The following CEP120 variants were observed in gnomAD, a reference collection of about 807,000 sequenced individuals.
CEP120 encodes the protein centrosomal protein of 120 kDa.
In CEP120, 113 loss-of-function variants were observed where a neutral mutation model predicts 126.5. The ratio of observed to expected loss-of-function variants is 0.89; its 90% CI spans 0.77 to 1.04. The LOEUF (loss-of-function observed/expected upper bound fraction) is 1.04. CEP120 is among the 50% of genes least tolerant of loss of function. CEP120 has a pLI of 0.00. For synonymous variants in CEP120, 400 were observed against 394.3 expected (o/e 1.01, Z -0.17); for missense variants, 1,230 against 1,155.7 (o/e 1.06, Z -0.93).
At chr5:123,381,300 C>T (rs1045653164) in intron 14 of CEP120, among the ~76,000 whole-genome samples, 14 of 152,020 alleles carry the variant, frequency 9.2e-5, no homozygotes, top group African/African-American at 3.4e-4. Context: ...AGCAATCTTG[C>T]TGAGCTGAGA....
Position 123,377,392 on chromosome 5 carries a change from T to A in CEP120, c.2340A>T (p.Lys780Asn). The part of the protein sequence containing the change: ...RLKIKQLEED[K>N]HRLQQQLNDA... Reference sequence around the variant, plus strand: ...ATCCAACCTGTTGCTGAAGGCGGTGTTTATCCTCTTCGAGCTGTTTGATTT... The same window carrying A: ...ATCCAACCTGTTGCTGAAGGCGGTGATTATCCTCTTCGAGCTGTTTGATTT... Residue 780 changes from lysine to asparagine, a missense_variant, in exon 16 of 20, where the codon AAA (lysine) becomes AAT (asparagine). Physicochemically the swap from Lys to Asn is moderately conservative, Grantham distance 94 (BLOSUM62 0). Coordinates refer to ENST00000306467, the MANE Select transcript of CEP120 (RefSeq NM_001375405.1). 1 of 1,609,480 alleles carries A rather than the reference T, an allele frequency of 6.2e-7. No individual in the cohort carries two copies. Among genetic ancestry groups the A allele is most frequent in the Admixed American group, 1.7e-5 (1 of 58,690 alleles).
chr5:123,383,960 C>T (rs1471608447), intron 11 of CEP120, among the ~76,000 whole-genome samples: 1 of 152,064 alleles, frequency 6.6e-6, no homozygotes, highest in Non-Finnish European at 1.5e-5. Flanking sequence ...CTTCTAATCT[C>T]ACAGATTTCA....
intron 18 of CEP120, chr5:123,358,314 A>C (rs1263371196): frequency 3.3e-5 from 5 of 152,156 alleles, no homozygotes; most frequent in Admixed American, 3.3e-4. Flanking sequence ...ATTCATCATA[A>C]TGCTCTGTTT....
rs1197636743 is a variant in CEP120 at position 123,422,978 on chromosome 5, T to C, written c.21A>G (p.Gln7=). The C allele has an allele frequency of 3.1e-6, 5 of 1,613,978 alleles. No individual in the cohort carries two copies. The highest frequency in any genetic ancestry group is 2.2e-5 in the East Asian group (1 of 44,866). MVSKSD[Q]LLIVVSILEG... ...CTAGGATGGACACGACGATGAGCAA[T>C]TGGTCGGATTTGGAGACCATGGTTG... Residue 7 remains glutamine (Q), a synonymous_variant, in exon 1 of 20, where the codon CAA becomes CAG. Transcript: ENST00000306467.
At chr5:123,397,938 G>A (rs1772901612) in intron 5 of CEP120, among the ~76,000 whole-genome samples, 1 of 152,116 alleles carries the variant, frequency 6.6e-6, no homozygotes, top group African/African-American at 2.4e-5. Flanking sequence ...TTAAAAATTA[G>A]GTGGGTGTGG....
intron 18 of CEP120, among the ~76,000 whole-genome samples, chr5:123,363,612 C>A (rs1195746290): frequency 6.6e-6 from 1 of 151,428 alleles, no homozygotes; most frequent in Non-Finnish European, 1.5e-5. Context: ...ATCCCAACTC[C>A]TCTATCATTT....
chr5:123,416,497 G>A (rs759358427), intron 2 of CEP120, among the ~76,000 whole-genome samples: 1 of 152,046 alleles, frequency 6.6e-6, no homozygotes, highest in Non-Finnish European at 1.5e-5. Flanking sequence ...TGTGAACCTG[G>A]GAGGCGGAGG....
Position 123,378,379 on chromosome 5 carries a change from T to A in CEP120, c.2153A>T (p.Asp718Val). The change falls in exon 15 of 20, where the codon GAC (aspartate) becomes GTC (valine). Residue 718 changes from aspartate to valine, a missense_variant. By Grantham distance (152) the Asp-to-Val change is radical (BLOSUM62 -3). Transcript: ENST00000306467. ...LEGKLQKTLI[D>V]LEKREQQLAS... ...AAGCTGCTGCTCTCGCTTCTCCAAGTCAATTAGAGTTTTTTGAAGTTTTCC... is the reference window on the plus strand; with the variant it reads ...AAGCTGCTGCTCTCGCTTCTCCAAGACAATTAGAGTTTTTTGAAGTTTTCC... 3.1e-6 allele frequency: 5 copies of A among 1,607,878 alleles called. No homozygotes were observed. Among genetic ancestry groups the A allele is most frequent in the Non-Finnish European group, 4.2e-6 (5 of 1,177,664 alleles).
chr5:123,419,127 G>A (rs937156293), intron 1 of CEP120, among the ~76,000 whole-genome samples: 2 of 152,136 alleles, frequency 1.3e-5, no homozygotes, highest in African/African-American at 4.8e-5. Context: ...CTAAGATTCC[G>A]CATTTCTAAC....
chr5:123,422,585 A>T, intron 1 of CEP120: 1 of 1,519,408 alleles, frequency 6.6e-7, no homozygotes, highest in East Asian at 2.4e-5. Flanking sequence ...CCTGTATTCA[A>T]GTCAAAGCTC....
rs963720385 is a variant in CEP120, at chr5:123,399,281, G to A, written c.467C>T (p.Pro156Leu). 1.9e-6 allele frequency: 3 copies of A among 1,613,656 alleles called. No homozygotes were observed. Among genetic ancestry groups the A allele is most frequent in the South Asian group, 2.2e-5 (2 of 91,034 alleles). ...KGAPPRDGKV[P>L]AILAGLDPRD... is the part of the protein sequence containing the mutation. ...GGGGTCAAGTCCAGCCAGGATGGCA[G>A]GTACTTTACAGAGAAAAACACGATT... Residue 156 changes from proline (P) to leucine (L), a missense_variant, in exon 5 of 20, where the codon CCT (proline) becomes CTT (leucine). By Grantham distance (98) the Pro-to-Leu change is moderately conservative. Transcript: ENST00000306467.
rs906619085 is a variant in CEP120 at position 123,387,629 on chromosome 5, C to T, written c.1430+803G>A. Among the ~76,000 whole-genome samples the T allele has an allele frequency of 4.6e-5, 7 of 151,954 alleles. No homozygotes were observed. In the South Asian group the frequency reaches 6.2e-4, roughly 13 times the overall value. On this transcript the variant is annotated intron_variant, in intron 9 of 19. Coordinates refer to ENST00000306467, the MANE Select transcript of CEP120 (RefSeq NM_001375405.1). ...TGATTCAAAGACCGAACTATTAGTCCGTATCAAATGAATTCTATGAAGAGT... is the reference window on the plus strand; with the variant it reads ...TGATTCAAAGACCGAACTATTAGTCTGTATCAAATGAATTCTATGAAGAGT...
At chr5:123,352,964 T>C (rs777410190) in intron 18 of CEP120, among the ~76,000 whole-genome samples, 2 of 152,032 alleles carry the variant, frequency 1.3e-5, no homozygotes, top group Non-Finnish European at 1.5e-5. Context: ...TTTTACACAC[T>C]GACTTTGTTT....
At chr5:123,416,179 G>T in intron 2 of CEP120, 55 bp from the exon 3 acceptor site, 1 of 986,588 alleles carries the variant, frequency 1.0e-6, no homozygotes, top group Non-Finnish European at 1.6e-6. Context: ...ACTTTCTATT[G>T]GCCTTGAAAA....
intron 2 of CEP120, 136 bp downstream of exon 2, chr5:123,418,223 A>ATCTT: frequency 2.1e-6 from 1 of 469,638 alleles, no homozygotes; most frequent in Non-Finnish European, 3.3e-6. Flanking sequence ...TCCCCAAGGT[A>ATCTT]TCTTTGATTA....
intron 3 of CEP120, among the ~76,000 whole-genome samples, chr5:123,414,693 G>A (rs920532965): frequency 3.9e-5 from 6 of 152,108 alleles, no homozygotes; most frequent in Non-Finnish European, 8.8e-5. Flanking sequence ...GCGGCCGGGC[G>A]CGGTGGCTCA....
chr5:123,414,674 C>T (rs12173077), intron 3 of CEP120, among the ~76,000 whole-genome samples: 8,861 of 151,998 alleles, frequency 0.058, 341 homozygotes, highest in South Asian at 0.1. Flanking sequence ...ATACTTAAAG[C>T]GCTAAGCAGC....
At chr5:123,409,150 A>T (rs1286535567) in intron 4 of CEP120, among the ~76,000 whole-genome samples, 3 of 152,232 alleles carry the variant, frequency 2.0e-5, no homozygotes, top group African/African-American at 4.8e-5. Context: ...GTAATCCATC[A>T]CATCAACAGC....
At chr5:123,393,097 C>T (rs952957577) in intron 6 of CEP120, among the ~76,000 whole-genome samples, 2 of 152,034 alleles carry the variant, frequency 1.3e-5, no homozygotes, top group African/African-American at 4.8e-5. Flanking sequence ...GAGGTATTAT[C>T]TCATAAAATT....
Sources: gnomAD v4.1 joint callset for allele counts (sites outside exome capture counted in the v4.1 genomes callset) on GRCh38, gnomAD v4.1.1 for gene constraint, MANE v1.5 for transcripts, NCBI Gene and HGNC (gene_info 2026-07-23, HGNC 2026-07-21) for gene names.